The following CNTNAP2 variants were observed in gnomAD, a reference collection of about 807,000 sequenced individuals.
The protein encoded by CNTNAP2 is contactin associated protein 2, also known as contactin-associated protein-like 2.
In CNTNAP2, 98 loss-of-function variants were observed where a neutral mutation model predicts 155.2. The ratio of observed to expected loss-of-function variants is 0.63; its 90% CI spans 0.54 to 0.75. The LOEUF (loss-of-function observed/expected upper bound fraction) is 0.75, where lower values mean the gene tolerates loss of function less well. Ranked by LOEUF, CNTNAP2 falls within the 30% of genes least tolerant of loss-of-function variation. The probability of loss-of-function intolerance (pLI) is 0.00; values close to 1 mark genes in which losing one functional copy is unlikely to be tolerated. For missense variants in CNTNAP2, 1,727 were observed against 1,688.1 expected, an observed-to-expected ratio of 1.02 and a Z score of -0.40; for synonymous variants, 651 against 631.2, an observed-to-expected ratio of 1.03 and a Z score of -0.47.
chr7:147,115,623 G>T (rs886603629), intron 5 of CNTNAP2, among the ~76,000 whole-genome samples: 2 of 152,048 alleles, frequency 1.3e-5, no homozygotes, highest in Non-Finnish European at 2.9e-5. Flanking sequence ...ATTAATACTT[G>T]TGATTGCATT....
intron 1 of CNTNAP2, among the ~76,000 whole-genome samples, chr7:146,730,745 C>G (rs1407534082): frequency 2.0e-5 from 3 of 152,144 alleles, no homozygotes; most frequent in Admixed American, 2.0e-4. Flanking sequence ...GTTTCATTGA[C>G]TTAGTGAGTT....
intron 1 of CNTNAP2, among the ~76,000 whole-genome samples, chr7:146,355,936 A>G (rs1361628886): frequency 6.6e-6 from 1 of 152,044 alleles, no homozygotes; most frequent in African/African-American, 2.4e-5. Context: ...AGGGGTATGC[A>G]TATTCTTACA....
In CNTNAP2 at chr7:148,081,290, C is replaced by T. The variant is rs140607483; in HGVS notation, c.2384-36828C>T. Among the ~76,000 whole-genome samples, 161 of 152,112 alleles carry T rather than the reference C, an allele frequency of 1.1e-3. 1 individual carries two copies. The highest frequency in any genetic ancestry group is 3.4e-3 in the African/African-American group (141 of 41,492). On this transcript the variant is annotated intron_variant, in intron 15 of 23. Coordinates refer to ENST00000361727, the MANE Select transcript of CNTNAP2 (RefSeq NM_014141.6). ...TGTGATAGTTAATACTGAGTGTCAACGTGATTGGATTGAAGGATGCAAAGT... is the reference window on the plus strand; with the variant it reads ...TGTGATAGTTAATACTGAGTGTCAATGTGATTGGATTGAAGGATGCAAAGT...
chr7:146,992,501 G>A (rs1370586124), intron 3 of CNTNAP2, among the ~76,000 whole-genome samples: 4 of 151,150 alleles, frequency 2.6e-5, no homozygotes, highest in East Asian at 3.9e-4. Context: ...CAGCAAAGCC[G>A]GAGTCCTGCT....
At chr7:147,680,390 T>C (rs1795929861) in intron 13 of CNTNAP2, among the ~76,000 whole-genome samples, 1 of 151,930 alleles carries the variant, frequency 6.6e-6, no homozygotes, top group Non-Finnish European at 1.5e-5. Context: ...GGTGGTAGTT[T>C]TCATCAAGCA....
chr7:147,985,818 T>A (rs1801609925), intron 15 of CNTNAP2, among the ~76,000 whole-genome samples: 1 of 152,130 alleles, frequency 6.6e-6, no homozygotes. Flanking sequence ...GGGAGAGTGA[T>A]AATGCCAGGT....
intron 15 of CNTNAP2, among the ~76,000 whole-genome samples, chr7:148,040,466 T>C (rs1186148906): frequency 1.3e-5 from 2 of 152,186 alleles, no homozygotes; most frequent in African/African-American, 4.8e-5. Flanking sequence ...CATCAATATT[T>C]TTCAACTTTC....
intron 8 of CNTNAP2, among the ~76,000 whole-genome samples, chr7:147,176,809 TA>T (rs1802354447): frequency 8.0e-6 from 1 of 124,378 alleles, no homozygotes; most frequent in South Asian, 2.2e-4. Context: ...TAATATATAA[TA>T]GATATAGAAT....
At chr7:146,634,979 T>G (rs928005787) in intron 1 of CNTNAP2, among the ~76,000 whole-genome samples, 1 of 152,172 alleles carries the variant, frequency 6.6e-6, no homozygotes. Flanking sequence ...CAAAGTTTAC[T>G]GGTAAAGCTA....
chr7:148,112,549 T>C (rs971161155), intron 15 of CNTNAP2, among the ~76,000 whole-genome samples: 5 of 151,920 alleles, frequency 3.3e-5, no homozygotes, highest in African/African-American at 1.2e-4. Context: ...GCCACCCAAG[T>C]AGCTAGAACT....
chr7:147,028,474 G>A (rs142487061), intron 3 of CNTNAP2, among the ~76,000 whole-genome samples: 51 of 152,262 alleles, frequency 3.3e-4, no homozygotes, highest in Admixed American at 1.5e-3. Context: ...AGTTGAGGCC[G>A]AGAGAGATGT....
At chr7:147,457,317 T>C (rs1252038792) in intron 10 of CNTNAP2, among the ~76,000 whole-genome samples, 1 of 152,180 alleles carries the variant, frequency 6.6e-6, no homozygotes, top group African/African-American at 2.4e-5. Flanking sequence ...GAATGTCATT[T>C]TCCTTCGACT....
chr7:148,153,459 T>C (rs572196692), intron 17 of CNTNAP2, among the ~76,000 whole-genome samples: 9 of 152,136 alleles, frequency 5.9e-5, no homozygotes, highest in African/African-American at 1.9e-4. Context: ...TGCAGGAAAC[T>C]TTTCCCATTT....
intron 1 of CNTNAP2, among the ~76,000 whole-genome samples, chr7:146,169,676 A>ATT (rs397714809): frequency 0.11 from 16,795 of 147,944 alleles, 1,209 homozygotes; most frequent in Non-Finnish European, 0.17. Flanking sequence ...CTGTGATATG[A>ATT]TTTTTTTTTT....
intron 1 of CNTNAP2, among the ~76,000 whole-genome samples, chr7:146,318,671 G>A (rs1034176822): frequency 3.3e-5 from 5 of 152,082 alleles, no homozygotes; most frequent in South Asian, 2.1e-4. Flanking sequence ...GAGAAGATAC[G>A]AAGAAAGCAT....
intron 1 of CNTNAP2, among the ~76,000 whole-genome samples, chr7:146,371,434 T>C (rs1308140724): frequency 1.4e-5 from 2 of 146,258 alleles, no homozygotes; most frequent in African/African-American, 5.2e-5. Flanking sequence ...AGTGGCATGA[T>C]CTCCGCTCAC....
chr7:147,689,943 A>G (rs142714216), intron 13 of CNTNAP2, among the ~76,000 whole-genome samples: 2,503 of 152,170 alleles, frequency 0.016, 223 homozygotes, highest in Admixed American at 0.15. Flanking sequence ...TGCAAATTAT[A>G]CCAGTTTTTT....
rs1006204437 is a variant in CNTNAP2 at position 147,576,289 on chromosome 7, C to T, written c.1897+14032C>T. On this transcript the variant is annotated intron_variant, in intron 12 of 23. Coordinates refer to ENST00000361727, the MANE Select transcript of CNTNAP2 (RefSeq NM_014141.6). ...AGAGCTAAGTAGCCACCACCAATCT[C>T]AGTGCTAAATAAGAAAACAAGTTTG... Among the ~76,000 whole-genome samples, 5 of 152,144 alleles carry T rather than the reference C, an allele frequency of 3.3e-5. No individual in the cohort carries two copies. The South Asian group carries it at 8.3e-4, about 25-fold the overall frequency.
At chr7:147,334,603 G>A (rs1418530033) in intron 9 of CNTNAP2, among the ~76,000 whole-genome samples, 1 of 152,148 alleles carries the variant, frequency 6.6e-6, no homozygotes, top group Admixed American at 6.6e-5. Context: ...GAACTGATCT[G>A]CACAATTTGG....
Sources: allele counts gnomAD v4.1 joint callset (sites outside exome capture counted in the v4.1 genomes callset), GRCh38; gene constraint gnomAD v4.1.1; transcripts MANE v1.5; gene names NCBI Gene and HGNC (gene_info 2026-07-23, HGNC 2026-07-21).